Variants in PDE8B observed in about 807,000 individuals in gnomAD.
PDE8B encodes high affinity cAMP-specific and IBMX-insensitive 3',5'-cyclic phosphodiesterase 8B.
Under a neutral mutation model 101.3 loss-of-function variants are expected in PDE8B, and 26 were observed. The ratio of observed to expected loss-of-function variants is 0.26; its 90% CI spans 0.19 to 0.36. PDE8B has a LOEUF of 0.36. PDE8B is among the 10% of genes least tolerant of loss of function. The pLI is 1.00. For synonymous variants in PDE8B, 424 were observed against 429.3 expected (o/e 0.99, Z 0.15); for missense variants, 810 against 1,163.1 (o/e 0.70, Z 4.42).
In PDE8B at chr5:77,211,141, C is replaced by T. The variant is rs1316526567; in HGVS notation, c.216C>T (p.Thr72=). ...TAGCCCGCGTCCGCAGGGCCCGCAC[C>T]GAGCTGGGCAGCGGTAGCAGCGCGG... ...PSVARVRRAR[T]ELGSGSSAGS... Residue 72 remains threonine (T), a synonymous_variant, in exon 1 of 22, where the codon ACC becomes ACT. Transcript: ENST00000264917. This position sits in a 1 kb window ranked among gnomAD's most constrained non-coding sequence, Gnocchi z 4.1. 1 of 1,524,314 alleles carries T rather than the reference C, an allele frequency of 6.6e-7. No individual in the cohort carries two copies. Among genetic ancestry groups the T allele is most frequent in the Non-Finnish European group, 8.8e-7 (1 of 1,142,526 alleles). 94.4% of individuals were successfully genotyped at this position (1,524,314 alleles called of 1,614,324 possible). A position where few individuals can be genotyped will look rare whatever the true frequency, so the allele number is the denominator to read the frequency against.
chr5:77,250,798 G>A (rs1276375411), intron 1 of PDE8B, among the ~76,000 whole-genome samples: 1 of 152,184 alleles, frequency 6.6e-6, no homozygotes, highest in Non-Finnish European at 1.5e-5. Flanking sequence ...CATGTTTCCT[G>A]GGCCGCCAAG....
intron 1 of PDE8B, among the ~76,000 whole-genome samples, chr5:77,303,577 T>G: frequency 6.7e-6 from 1 of 150,066 alleles, no homozygotes; most frequent in South Asian, 2.1e-4. Flanking sequence ...TCAAAATAAA[T>G]AAATAAATAA....
At chr5:77,098,540 TC>T in the PDE8B span, 1 of 152,128 alleles carries the variant, frequency 6.6e-6, no homozygotes, top group African/African-American at 2.4e-5. Context: ...AAGTGATCCT[TC>T]CACCTCAGCC....
intron 10 of PDE8B, among the ~76,000 whole-genome samples, chr5:77,363,721 A>C (rs573700006): frequency 6.6e-6 from 1 of 152,068 alleles, no homozygotes; most frequent in Admixed American, 6.6e-5. Context: ...CAGAAAAAAA[A>C]AAAAAAAAGA....
the PDE8B span, among the ~76,000 whole-genome samples, chr5:77,148,939 ACT>A: frequency 5.3e-5 from 8 of 151,868 alleles, no homozygotes; most frequent in African/African-American, 1.9e-4. Flanking sequence ...GTATCTAAGA[ACT>A]CTTTACCCAA....
the PDE8B span, among the ~76,000 whole-genome samples, chr5:77,192,584 CA>C: frequency 6.6e-6 from 1 of 152,176 alleles, no homozygotes; most frequent in African/African-American, 2.4e-5. Flanking sequence ...TACTAATGAA[CA>C]TTTGGGTTGT....
chr5:77,199,601 G>A, the PDE8B span, among the ~76,000 whole-genome samples: 1 of 152,116 alleles, frequency 6.6e-6, no homozygotes, highest in Non-Finnish European at 1.5e-5. Flanking sequence ...TGTAGCATTA[G>A]CCATATTTCT....
intron 10 of PDE8B, among the ~76,000 whole-genome samples, chr5:77,380,865 C>T (rs1020280983): frequency 2.6e-5 from 4 of 152,240 alleles, no homozygotes; most frequent in East Asian, 1.9e-4. Flanking sequence ...AGGAAATATC[C>T]GGGAAGGGTT....
chr5:77,419,845 G>T lies in PDE8B; in HGVS notation c.2208G>T (p.Val736=), dbSNP rs1796270141. The change falls in exon 19 of 22, where the codon GTG becomes GTT. Residue 736 remains valine (V), a synonymous_variant. Coordinates refer to ENST00000264917, the MANE Select transcript of PDE8B (RefSeq NM_003719.5). Reference sequence around the variant, plus strand: ...AGATGACAAAACACTTTGAACATGTGAATAAGTTTGTGAACAGCATCAACA... The same window carrying T: ...AGATGACAAAACACTTTGAACATGTTAATAAGTTTGTGAACAGCATCAACA... ...ATEMTKHFEH[V]NKFVNSINKP... 1 of 1,613,996 alleles carries T rather than the reference G, an allele frequency of 6.2e-7. No individual in the cohort carries two copies. Among genetic ancestry groups the T allele is most frequent in the African/African-American group, 1.3e-5 (1 of 74,928 alleles).
chr5:77,118,752 C>T, the PDE8B span: 4 of 176,584 alleles, frequency 2.3e-5, no homozygotes, highest in African/African-American at 9.5e-5. Context: ...GGATCCCTCC[C>T]ACAGACATTG....
the PDE8B span, among the ~76,000 whole-genome samples, chr5:77,094,590 G>A: frequency 6.6e-6 from 1 of 152,150 alleles, no homozygotes; most frequent in Non-Finnish European, 1.5e-5. Flanking sequence ...ATAAGCATGA[G>A]CCACTATGCC....
chr5:77,425,371 G>A (rs1401101091), intron 20 of PDE8B, among the ~76,000 whole-genome samples: 2 of 152,122 alleles, frequency 1.3e-5, no homozygotes, highest in African/African-American at 2.4e-5. Flanking sequence ...GACTGGCTTG[G>A]CCAATATGGT....
At chr5:77,153,005 A>G in the PDE8B span, among the ~76,000 whole-genome samples, 1 of 152,182 alleles carries the variant, frequency 6.6e-6, no homozygotes, top group East Asian at 1.9e-4. Context: ...TTCCCCTCCC[A>G]GGGGATATTT....
At chr5:77,169,167 T>C in the PDE8B span, among the ~76,000 whole-genome samples, 1 of 152,208 alleles carries the variant, frequency 6.6e-6, no homozygotes, top group African/African-American at 2.4e-5. Context: ...GTGGTTGTGT[T>C]TGATTTTGTT....
the PDE8B span, among the ~76,000 whole-genome samples, chr5:77,099,919 C>T: frequency 6.6e-6 from 1 of 152,130 alleles, no homozygotes; most frequent in Non-Finnish European, 1.5e-5. Flanking sequence ...CCGGGGTGAC[C>T]TTTTCTATGT....
chr5:77,229,356 G>A (rs1753076776), intron 1 of PDE8B, among the ~76,000 whole-genome samples: 1 of 152,188 alleles, frequency 6.6e-6, no homozygotes, highest in East Asian at 1.9e-4. Context: ...TTGCAATATT[G>A]TACTCTGGCA....
the PDE8B span, among the ~76,000 whole-genome samples, chr5:77,163,896 T>C: frequency 6.6e-6 from 1 of 152,240 alleles, no homozygotes; most frequent in Admixed American, 6.5e-5. Flanking sequence ...CACTGATCAG[T>C]TAAACGTGGC....
At chr5:77,403,580 A>G (rs1319505060) in intron 11 of PDE8B, among the ~76,000 whole-genome samples, 1 of 152,138 alleles carries the variant, frequency 6.6e-6, no homozygotes, top group African/African-American at 2.4e-5. Context: ...AAAGATTTAA[A>G]GTACTATTAT....
the PDE8B span, chr5:77,141,706 C>T: frequency 1.3e-5 from 2 of 152,326 alleles, no homozygotes; most frequent in Non-Finnish European, 1.5e-5. Context: ...CAGGTGGCTA[C>T]TACCCAGTAA....
Sources: allele counts gnomAD v4.1 joint callset (sites outside exome capture counted in the v4.1 genomes callset), GRCh38; gene constraint gnomAD v4.1.1; non-coding constraint Gnocchi (gnomAD v3.1); transcripts MANE v1.5; gene names NCBI Gene and HGNC (gene_info 2026-07-23, HGNC 2026-07-21).